The following VPS26C variants were observed in gnomAD, a reference collection of about 807,000 sequenced individuals.
VPS26C encodes the protein VPS26 endosomal protein sorting factor C.
In VPS26C, 19 loss-of-function variants were observed where a neutral mutation model predicts 30.6. The ratio of observed to expected loss-of-function variants is 0.62; its 90% CI spans 0.43 to 0.91. The LOEUF (loss-of-function observed/expected upper bound fraction) is 0.91. VPS26C is among the 40% of genes least tolerant of loss of function. The pLI is 0.00. For missense variants in VPS26C, 318 were observed against 385.1 expected, an observed-to-expected ratio of 0.83 and a Z score of 1.46; for synonymous variants, 132 against 151.5, an observed-to-expected ratio of 0.87 and a Z score of 0.95.
At chr21:37,265,049 T>C (rs778129744) in intron 1 of VPS26C, among the ~76,000 whole-genome samples, 25 of 152,162 alleles carry the variant, frequency 1.6e-4, no homozygotes, top group Non-Finnish European at 2.8e-4. Flanking sequence ...GGCCACATAG[T>C]GTACGATTCC....
intron 1 of VPS26C, among the ~76,000 whole-genome samples, chr21:37,255,186 G>C (rs1481049568): frequency 6.6e-6 from 1 of 152,062 alleles, no homozygotes; most frequent in Admixed American, 6.5e-5. Context: ...TTTTTTTCCT[G>C]ATGATTACTG....
intron 1 of VPS26C, among the ~76,000 whole-genome samples, chr21:37,242,461 G>C (rs1408904258): frequency 6.6e-6 from 1 of 151,972 alleles, no homozygotes; most frequent in African/African-American, 2.4e-5. Context: ...AAATTAGCCA[G>C]GCGTGGTGGT....
At chr21:37,262,831 G>A (rs971352182) in intron 1 of VPS26C, among the ~76,000 whole-genome samples, 3 of 150,344 alleles carry the variant, frequency 2.0e-5, no homozygotes, top group African/African-American at 7.4e-5. Context: ...GCAGTGGTGT[G>A]ATCTTGGCTT....
rs1853819776 is a variant in VPS26C, at chr21:37,227,532, C to T, written c.811+122G>A. On this transcript the variant is annotated intron_variant, in intron 7 of 7. Transcript: ENST00000309117. ...AGGCTCTGAGCTGTATGGCCTGTGGCAGGCCCTGGCACTGAGGGACCGAAG... is the reference window on the plus strand; with the variant it reads ...AGGCTCTGAGCTGTATGGCCTGTGGTAGGCCCTGGCACTGAGGGACCGAAG... 2.6e-6 allele frequency: 3 copies of T among 1,141,482 alleles called. No individual in the cohort carries two copies. The South Asian group carries it at 4.3e-5, about 16-fold the overall frequency. 70.7% of individuals were successfully genotyped at this position (1,141,482 alleles called of 1,614,324 possible).
intron 4 of VPS26C, among the ~76,000 whole-genome samples, chr21:37,232,979 T>G (rs1007690773): frequency 6.6e-6 from 1 of 152,194 alleles, no homozygotes; most frequent in Non-Finnish European, 1.5e-5. Context: ...GCAGTAACAG[T>G]GATCACCTCC....
At chr21:37,259,986 T>C (rs1739294637) in intron 1 of VPS26C, among the ~76,000 whole-genome samples, 1 of 152,218 alleles carries the variant, frequency 6.6e-6, no homozygotes, top group Non-Finnish European at 1.5e-5. Context: ...CTTAAAACAC[T>C]ATCTCATTTA....
In VPS26C at chr21:37,226,778, G is replaced by C. The variant is rs992501902; in HGVS notation, c.811+876C>G. ...GGGAACACACAGAGGTGCTGCTCTT[G>C]ATGTGGATGCAGTGCTCACTCCTGA... On this transcript the variant is annotated intron_variant, in intron 7 of 7. Coordinates refer to ENST00000309117, the MANE Select transcript of VPS26C (RefSeq NM_006052.2). This position sits in a 1 kb window ranked among gnomAD's most constrained non-coding sequence, Gnocchi z 4.1. The C allele has an allele frequency of 2.6e-5, 4 of 152,202 alleles. No homozygotes were observed. The highest frequency in any genetic ancestry group is 9.6e-5 in the African/African-American group (4 of 41,452). The allele number at this position is 152,202 out of a possible 1,614,324, so 9.4% of individuals were successfully genotyped here.
Position 37,233,295 on chromosome 21 carries a change from G to C in VPS26C, c.432+67C>G. On this transcript the variant is annotated intron_variant, in intron 4 of 7. Transcript: ENST00000309117. The surrounding 1 kb of genome is among the most constrained non-coding windows in gnomAD (Gnocchi z 5.2). ...AGGCTAAATGGTGAGCTTGTAAATAGGGTAAACTCTCAGACCCCATGGGAG... is the reference window on the plus strand; with the variant it reads ...AGGCTAAATGGTGAGCTTGTAAATACGGTAAACTCTCAGACCCCATGGGAG... 3.7e-6 allele frequency: 5 copies of C among 1,362,798 alleles called. No individual in the cohort carries two copies. Among genetic ancestry groups the C allele is most frequent in the Non-Finnish European group, 5.3e-6 (5 of 952,340 alleles). 84.4% of individuals were successfully genotyped at this position (1,362,798 alleles called of 1,614,324 possible).
intron 1 of VPS26C, among the ~76,000 whole-genome samples, chr21:37,241,271 G>A (rs942258580): frequency 3.3e-5 from 5 of 152,122 alleles, no homozygotes; most frequent in Admixed American, 2.0e-4. Flanking sequence ...AGGAGGCATC[G>A]GCGCCTCCAT....
rs200773183 is a variant in VPS26C, at chr21:37,227,727, G to C, written c.738C>G (p.Leu246=). The change falls in exon 7 of 8, where the codon CTC becomes CTG. Residue 246 remains leucine, a synonymous_variant. Coordinates refer to ENST00000309117, the MANE Select transcript of VPS26C (RefSeq NM_006052.2). The stretch of plus-strand genomic sequence containing the variant: ...GGAAGACCATGTAGATGGGGACAGA[G>C]AGGCCCCTGCACACATCCCCGTCGG... ...QIADGDVCRG[L]SVPIYMVFPR... The C allele has an allele frequency of 2.1e-4, 343 of 1,614,206 alleles. No homozygotes were observed. The highest frequency in any genetic ancestry group is 9.9e-4 in the Middle Eastern group (6 of 6,062).
chr21:37,265,258 C>T (rs1018541414), intron 1 of VPS26C, among the ~76,000 whole-genome samples: 1 of 152,162 alleles, frequency 6.6e-6, no homozygotes, highest in African/African-American at 2.4e-5. Flanking sequence ...GAATTGTATA[C>T]TTTCAAAGGG....
At chr21:37,262,795 T>G (rs2148312191) in intron 1 of VPS26C, among the ~76,000 whole-genome samples, 2 of 149,764 alleles carry the variant, frequency 1.3e-5, no homozygotes, top group Admixed American at 6.7e-5. Flanking sequence ...TGAGACAGAG[T>G]CTTGCTCTGT....
intron 1 of VPS26C, among the ~76,000 whole-genome samples, chr21:37,263,343 AAATG>A (rs2086324755): frequency 6.6e-6 from 1 of 152,192 alleles, no homozygotes; most frequent in Admixed American, 6.5e-5. Context: ...CACTCCTACG[AAATG>A]AATAACAACA....
Position 37,225,375 on chromosome 21 carries a change from A to T in VPS26C, c.*169T>A, listed in dbSNP as rs1035957235. ...ATTAGAGGTGCCTGTTGGAAGCAGA[A>T]GCCTCAAGAAATGAGGAAGGAAAGT... is the stretch of plus-strand genomic sequence containing the variant. On this transcript the variant is annotated 3_prime_UTR_variant, in exon 8 of 8. Coordinates refer to ENST00000309117, the MANE Select transcript of VPS26C (RefSeq NM_006052.2). 6.4e-6 allele frequency: 4 copies of T among 626,290 alleles called. No individual in the cohort carries two copies. The highest frequency in any genetic ancestry group is 3.8e-5 in the South Asian group (2 of 53,332). The allele number at this position is 626,290 out of a possible 1,614,324, so 38.8% of individuals were successfully genotyped here.
chr21:37,228,459 G>A (rs1476184114), intron 5 of VPS26C, 86 bp from the exon 6 acceptor site: 49 of 1,477,776 alleles, frequency 3.3e-5, no homozygotes, highest in South Asian at 1.2e-4. Context: ...ACCTGGAAGC[G>A]AAGTTGGATA....
At chr21:37,227,570 T>G in intron 7 of VPS26C, 84 bp downstream of exon 7, 1 of 1,518,354 alleles carries the variant, frequency 6.6e-7, no homozygotes, top group Non-Finnish European at 9.1e-7. Context: ...CGGCAGGTTC[T>G]GAGCTCTGTG....
At chr21:37,235,873 A>C (rs201889394) in intron 3 of VPS26C, among the ~76,000 whole-genome samples, 2 of 15,068 alleles carry the variant, frequency 1.3e-4, no homozygotes, top group Non-Finnish European at 2.4e-4. Flanking sequence ...ATATATATAT[A>C]TATATATTTT....
At chr21:37,266,937 C>T (rs1224021058) in intron 1 of VPS26C, 5 of 459,496 alleles carry the variant, frequency 1.1e-5, no homozygotes, top group Non-Finnish European at 1.9e-5. Flanking sequence ...CCCAACACCG[C>T]CGGGTGTTCA....
chr21:37,248,695 A>G (rs2086161772), intron 1 of VPS26C, among the ~76,000 whole-genome samples: 1 of 150,704 alleles, frequency 6.6e-6, no homozygotes, highest in African/African-American at 2.4e-5. Context: ...CTATAAAACT[A>G]TTAGAAAGCA....
Sources: allele counts gnomAD v4.1 joint callset (sites outside exome capture counted in the v4.1 genomes callset), GRCh38; gene constraint gnomAD v4.1.1; non-coding constraint Gnocchi (gnomAD v3.1); transcripts MANE v1.5; gene names NCBI Gene and HGNC (gene_info 2026-07-23, HGNC 2026-07-21).